Variants in TERB2 observed in about 807,000 individuals in gnomAD.
TERB2 encodes telomere repeats-binding bouquet formation protein 2.
TERB2 carries 26 observed loss-of-function variants against 29.8 expected under a neutral mutation model. The observed-to-expected ratio is 0.87, with a 90% confidence interval of 0.64 to 1.21. The LOEUF (loss-of-function observed/expected upper bound fraction) is 1.21. TERB2 is among the 50% of genes most tolerant of loss of function. TERB2 has a pLI of 0.00. For missense variants in TERB2, 240 were observed against 268.6 expected, an observed-to-expected ratio of 0.89 and a Z score of 0.74; for synonymous variants, 80 against 90.8, an observed-to-expected ratio of 0.88 and a Z score of 0.68.
intron 3 of TERB2, among the ~76,000 whole-genome samples, chr15:44,961,193 T>G (rs907814280): frequency 1.3e-5 from 1 of 78,302 alleles, no homozygotes; most frequent in African/African-American, 8.4e-5. Context: ...ACCTCAATGA[T>G]ATATATATAT....
intron 4 of TERB2, among the ~76,000 whole-genome samples, chr15:44,965,025 T>G (rs1373067075): frequency 1.3e-5 from 2 of 151,396 alleles, no homozygotes; most frequent in African/African-American, 4.8e-5. Flanking sequence ...TTGCCAGATG[T>G]GGTGGCTGGC....
chr15:44,972,747 C>T (rs921512147), intron 5 of TERB2, among the ~76,000 whole-genome samples: 9 of 151,914 alleles, frequency 5.9e-5, no homozygotes, highest in Non-Finnish European at 8.8e-5. Flanking sequence ...AACTCCTGAC[C>T]TTAAGTGATC....
At chr15:44,972,681 A>G (rs1318149407) in intron 5 of TERB2, among the ~76,000 whole-genome samples, 1 of 149,272 alleles carries the variant, frequency 6.7e-6, no homozygotes, top group Non-Finnish European at 1.5e-5. Context: ...ACACCTGGCT[A>G]ATTTTTGTAT....
At position 44,963,890 on chromosome 15, in the gene TERB2, G is replaced by C. The variant is rs1891843709; in HGVS notation, c.349-2268G>C. On this transcript the variant is annotated intron_variant, in intron 4 of 6. Transcript: ENST00000340827. ...AGTGGCGGGATCTCAAGCTTACTGCGACCACCACCTCCTGGGTTGAAGCGA... is the reference window on the plus strand; with the variant it reads ...AGTGGCGGGATCTCAAGCTTACTGCCACCACCACCTCCTGGGTTGAAGCGA... 2.1e-5 allele frequency among the ~76,000 whole-genome samples: 3 copies of C among 142,818 alleles called. No homozygotes were observed. In the Admixed American group the frequency reaches 2.2e-4, roughly 11 times the overall value. 93.7% of individuals were successfully genotyped at this position (142,818 alleles called of 152,430 possible). A position where few individuals can be genotyped will look rare whatever the true frequency, so the allele number is the denominator to read the frequency against.
intron 3 of TERB2, among the ~76,000 whole-genome samples, chr15:44,961,190 T>TTATATATA (rs1566944534): frequency 1.5e-4 from 19 of 124,082 alleles, no homozygotes; most frequent in African/African-American, 6.9e-4. Flanking sequence ...CATACCTCAA[T>TTATATATA]GATATATATA....
chr15:44,963,804 CTTTTTTTTTT>C (rs34438861), intron 4 of TERB2, among the ~76,000 whole-genome samples: 5 of 79,166 alleles, frequency 6.3e-5, no homozygotes, highest in Admixed American at 3.3e-4. Flanking sequence ...TTATACTATT[CTTTTTTTTTT>C]TTTTTTTTTT....
At chr15:44,970,631 A>G (rs774456191) in intron 5 of TERB2, 2 of 165,734 alleles carry the variant, frequency 1.2e-5, no homozygotes, top group African/African-American at 4.8e-5. Context: ...GAGTAGTTCT[A>G]TTTTGAGATC....
chr15:44,964,446 GTTA>G (rs545187790), intron 4 of TERB2, among the ~76,000 whole-genome samples: 18 of 151,990 alleles, frequency 1.2e-4, no homozygotes, highest in Non-Finnish European at 2.6e-4. Context: ...TAATGCAATG[GTTA>G]TTATTTGGTG....
intron 5 of TERB2, among the ~76,000 whole-genome samples, chr15:44,968,886 G>A (rs1891927620): frequency 6.6e-6 from 1 of 152,042 alleles, no homozygotes; most frequent in Non-Finnish European, 1.5e-5. Flanking sequence ...GTATAAAGAG[G>A]AGTTTTTTTT....
intron 3 of TERB2, among the ~76,000 whole-genome samples, chr15:44,960,376 C>T (rs1891781820): frequency 6.6e-6 from 1 of 152,114 alleles, no homozygotes; most frequent in Admixed American, 6.5e-5. Flanking sequence ...AGGTGGCATG[C>T]ACCTGTAATC....
chr15:44,965,900 A>C (rs924924377), intron 4 of TERB2, among the ~76,000 whole-genome samples: 1 of 151,970 alleles, frequency 6.6e-6, no homozygotes, highest in Admixed American at 6.6e-5. Context: ...TACTTATCTG[A>C]CATAACCACA....
chr15:44,974,933 T>C (rs1892023479), intron 6 of TERB2, among the ~76,000 whole-genome samples: 1 of 152,162 alleles, frequency 6.6e-6, no homozygotes, highest in Non-Finnish European at 1.5e-5. Flanking sequence ...AAGAGAGCAA[T>C]GATAAATATT....
intron 5 of TERB2, among the ~76,000 whole-genome samples, chr15:44,972,271 G>A (rs977379195): frequency 5.9e-5 from 9 of 151,976 alleles, no homozygotes; most frequent in Non-Finnish European, 1.2e-4. Flanking sequence ...GATTACAGGC[G>A]TGAGCTACTG....
intron 4 of TERB2, among the ~76,000 whole-genome samples, chr15:44,963,544 G>A (rs947069921): frequency 6.6e-6 from 1 of 151,896 alleles, no homozygotes; most frequent in African/African-American, 2.4e-5. Context: ...GAGCAATTGG[G>A]AAAATTTAAC....
intron 5 of TERB2, among the ~76,000 whole-genome samples, chr15:44,973,203 A>G (rs1423435617): frequency 6.6e-6 from 1 of 152,164 alleles, no homozygotes; most frequent in Non-Finnish European, 1.5e-5. Context: ...TTTATTTGTT[A>G]TAGTAAACTA....
chr15:44,959,843 A>C (rs1436216130), intron 3 of TERB2, among the ~76,000 whole-genome samples: 1 of 152,250 alleles, frequency 6.6e-6, no homozygotes, highest in Non-Finnish European at 1.5e-5. Flanking sequence ...AGCTGAGTAC[A>C]TATTCCCAGT....
In TERB2 at chr15:44,961,097, T is replaced by C. The variant is rs991017524; in HGVS notation, c.287-426T>C. Among the ~76,000 whole-genome samples the C allele has an allele frequency of 4.6e-5, 7 of 150,808 alleles. No homozygotes were observed. The South Asian group carries it at 1.5e-3, about 31-fold the overall frequency. On this transcript the variant is annotated intron_variant, in intron 3 of 6. Coordinates refer to ENST00000340827, the MANE Select transcript of TERB2 (RefSeq NM_152448.3). Reference sequence around the variant, plus strand: ...CATACATATATACATATACATCTAATGTATATCTAATGATACAGATATAGA... The same window carrying C: ...CATACATATATACATATACATCTAACGTATATCTAATGATACAGATATAGA...
intron 6 of TERB2, among the ~76,000 whole-genome samples, chr15:44,974,740 T>C (rs1892019449): frequency 6.6e-6 from 1 of 152,210 alleles, no homozygotes; most frequent in Admixed American, 6.5e-5. Flanking sequence ...AAAAGAGCAA[T>C]TTTTAAAGTA....
intron 6 of TERB2, chr15:44,976,296 G>T (rs1181413466): frequency 1.3e-5 from 2 of 152,186 alleles, no homozygotes; most frequent in Non-Finnish European, 2.9e-5. Context: ...CAGTCAAGTT[G>T]TCAGCTGGAG....
Sources: allele counts gnomAD v4.1 joint callset (sites outside exome capture counted in the v4.1 genomes callset), GRCh38; gene constraint gnomAD v4.1.1; transcripts MANE v1.5; gene names NCBI Gene and HGNC (gene_info 2026-07-23, HGNC 2026-07-21).